Variants in MCPH1 observed in about 807,000 individuals in gnomAD.
MCPH1 encodes microcephalin.
In MCPH1, 104 loss-of-function variants were observed where a neutral mutation model predicts 84.5. That is an observed-to-expected ratio of 1.23 (90% CI 1.05 to 1.45). MCPH1 has a LOEUF of 1.45. Among genes scored for constraint, MCPH1 ranks in the 40% most tolerant of loss-of-function variants. MCPH1 has a pLI of 0.00. For synonymous variants in MCPH1, 514 were observed against 366.8 expected, an observed-to-expected ratio of 1.40 and a Z score of -4.58; for missense variants, 1,498 against 1,005.7, an observed-to-expected ratio of 1.49 and a Z score of -6.62.
intron 12 of MCPH1, among the ~76,000 whole-genome samples, chr8:6,612,706 C>T (rs1049452757): frequency 2.6e-5 from 4 of 152,234 alleles, no homozygotes; most frequent in Admixed American, 6.5e-5. Context: ...CCGCTCACAT[C>T]GCCGCTTCAC....
chr8:6,635,454 G>C (rs1439934373), intron 13 of MCPH1: 1 of 152,100 alleles, frequency 6.6e-6, no homozygotes. Flanking sequence ...AATTAGCCGG[G>C]CATGGTGACA....
Position 6,530,392 on chromosome 8 carries a change from C to A in MCPH1, c.2214+30463C>A, listed in dbSNP as rs191161171. Among the ~76,000 whole-genome samples the A allele has an allele frequency of 3.1e-3, 466 of 151,836 alleles. 3 individuals are homozygous for A. Among genetic ancestry groups the A allele is most frequent in the Non-Finnish European group, 5.2e-3 (353 of 67,942 alleles). ...GGTGTGGTAGCCTGCACCTGTAATC[C>A]CAGCTACGCGGGAGGCTAAGGCACG... On this transcript the variant is annotated intron_variant, in intron 12 of 13. Coordinates refer to ENST00000344683, the MANE Select transcript of MCPH1 (RefSeq NM_024596.5).
chr8:6,601,886 C>G (rs550656721), intron 12 of MCPH1, among the ~76,000 whole-genome samples: 3 of 152,328 alleles, frequency 2.0e-5, no homozygotes, highest in African/African-American at 7.2e-5. Flanking sequence ...GTGTCACCCT[C>G]TTTTATGGTT....
chr8:6,465,023 G>C (rs890584172), intron 9 of MCPH1, among the ~76,000 whole-genome samples: 1 of 151,762 alleles, frequency 6.6e-6, no homozygotes, highest in Non-Finnish European at 1.5e-5. Context: ...GAAAAATTCT[G>C]CTGGTAGGCA....
chr8:6,495,771 A>C (rs1050069225), intron 11 of MCPH1, among the ~76,000 whole-genome samples: 6 of 152,224 alleles, frequency 3.9e-5, no homozygotes, highest in Non-Finnish European at 5.9e-5. Flanking sequence ...TGATTAAAGT[A>C]AAGATGTGTC....
chr8:6,517,538 T>C (rs1238746720), intron 12 of MCPH1, among the ~76,000 whole-genome samples: 1 of 152,198 alleles, frequency 6.6e-6, no homozygotes, highest in Non-Finnish European at 1.5e-5. Flanking sequence ...CAAAGACCAA[T>C]TGAACATTCT....
intron 9 of MCPH1, chr8:6,473,899 A>T (rs752269922): frequency 1.5e-5 from 23 of 1,537,940 alleles, no homozygotes; most frequent in Non-Finnish European, 1.8e-5. Context: ...GATCTACATT[A>T]TTTTCTAGCT....
chr8:6,516,155 C>G (rs1311544604), intron 12 of MCPH1, among the ~76,000 whole-genome samples: 1 of 152,138 alleles, frequency 6.6e-6, no homozygotes, highest in African/African-American at 2.4e-5. Context: ...AAATTATTTC[C>G]TCATTTTAAA....
At chr8:6,461,325 C>CTT (rs11419705) in intron 9 of MCPH1, among the ~76,000 whole-genome samples, 3,252 of 110,956 alleles carry the variant, frequency 0.029, 268 homozygotes, top group Middle Eastern at 0.076. Context: ...TTTGTTGAGA[C>CTT]TTTTTTTTTT....
intron 12 of MCPH1, chr8:6,502,936 G>T (rs1169006298): frequency 1.2e-5 from 9 of 730,846 alleles, no homozygotes; most frequent in Non-Finnish European, 2.0e-5. Context: ...GCAAGTTTAA[G>T]TGATAAAGTT....
rs371329613 is a variant in MCPH1, at chr8:6,531,451, G to C, written c.2214+31522G>C. On this transcript the variant is annotated intron_variant, in intron 12 of 13. Transcript: ENST00000344683. ...TTGCAGATGCCCGCCACCACACCTG[G>C]CTAATTTGTTTGTATTTTTTAGTAG... Among the ~76,000 whole-genome samples the C allele has an allele frequency of 1.7e-3, 252 of 151,948 alleles. 1 individual carries two copies. Among genetic ancestry groups the C allele is most frequent in the African/African-American group, 6.0e-3 (247 of 41,444 alleles).
intron 12 of MCPH1, among the ~76,000 whole-genome samples, chr8:6,544,091 G>A (rs888819716): frequency 6.6e-6 from 1 of 152,234 alleles, no homozygotes; most frequent in Non-Finnish European, 1.5e-5. Context: ...TGGCAAGACA[G>A]AGAATAGTAT....
At chr8:6,525,364 G>A (rs2442613) in intron 12 of MCPH1, among the ~76,000 whole-genome samples, 12,417 of 152,070 alleles carry the variant, frequency 0.082, 661 homozygotes, top group African/African-American at 0.14. Context: ...CAAATAGGAG[G>A]GATTACAGGT....
chr8:6,437,011 G>A lies in MCPH1; in HGVS notation c.436+849G>A, dbSNP rs530850228. Among the ~76,000 whole-genome samples the A allele has an allele frequency of 3.6e-4, 54 of 152,094 alleles. No homozygotes were observed. The South Asian group carries it at 8.3e-3, about 23-fold the overall frequency. On this transcript the variant is annotated intron_variant, in intron 5 of 13. Transcript: ENST00000344683. ...TATGAAACATTAAGATGCTTTGTAC[G>A]TTTTTGGTATTTCTGTTTTGCCTTT...
chr8:6,419,382 A>T (rs1240210184), intron 3 of MCPH1, among the ~76,000 whole-genome samples: 1 of 122,076 alleles, frequency 8.2e-6, no homozygotes, highest in Non-Finnish European at 1.7e-5. Context: ...CACCATGCCC[A>T]GCCATTAAAA....
chr8:6,437,980 T>A (rs1802927021), intron 5 of MCPH1, among the ~76,000 whole-genome samples: 1 of 152,168 alleles, frequency 6.6e-6, no homozygotes, highest in Admixed American at 6.5e-5. Context: ...CTCCCTGGTT[T>A]AAAATTTCCT....
intron 9 of MCPH1, among the ~76,000 whole-genome samples, chr8:6,463,670 G>C (rs1275980522): frequency 6.6e-6 from 1 of 152,162 alleles, no homozygotes; most frequent in Non-Finnish European, 1.5e-5. Flanking sequence ...GGAGGAAAGA[G>C]AGCTGCAGGG....
intron 12 of MCPH1, among the ~76,000 whole-genome samples, chr8:6,549,174 T>C (rs17623747): frequency 6.6e-6 from 1 of 152,176 alleles, no homozygotes; most frequent in Non-Finnish European, 1.5e-5. Flanking sequence ...GTTTGTACAG[T>C]TGAGTGTTGA....
At chr8:6,502,551 C>G (rs1346630585) in intron 12 of MCPH1, 1 of 152,208 alleles carries the variant, frequency 6.6e-6, no homozygotes, top group African/African-American at 2.4e-5. Flanking sequence ...TAAAAATGCA[C>G]TAACTGTTTT....
Sources: gnomAD v4.1 joint callset for allele counts (sites outside exome capture counted in the v4.1 genomes callset) on GRCh38, gnomAD v4.1.1 for gene constraint, MANE v1.5 for transcripts, NCBI Gene and HGNC (gene_info 2026-07-23, HGNC 2026-07-21) for gene names.